MCM6: variants seen among roughly 807,000 people sequenced by gnomAD.
MCM6 encodes the protein minichromosome maintenance complex component 6, also known as DNA replication licensing factor MCM6.
MCM6 carries 46 observed loss-of-function variants against 94.3 expected under a neutral mutation model. The ratio of observed to expected loss-of-function variants is 0.49; its 90% CI spans 0.39 to 0.62. MCM6 has a LOEUF of 0.62. MCM6 is among the 20% of genes least tolerant of loss of function. The pLI, the probability that MCM6 is intolerant of heterozygous loss-of-function variation, is 0.00. For synonymous variants in MCM6, 335 were observed against 351.9 expected (o/e 0.95, Z 0.54); for missense variants, 865 against 1,017.9 (o/e 0.85, Z 2.04).
chr2:135,872,617 T>G, intron 2 of MCM6, 80 bp downstream of exon 2: 2 of 1,415,734 alleles, frequency 1.4e-6, no homozygotes, highest in Non-Finnish European at 2.0e-6. Flanking sequence ...GCTACACAAG[T>G]GAACACTTAC....
At chr2:135,852,438 CAAAG>C (rs4988228) in intron 12 of MCM6, among the ~76,000 whole-genome samples, 1,735 of 152,162 alleles carry the variant, frequency 0.011, 35 homozygotes, top group African/African-American at 0.04. Context: ...ATGTTTCCTT[CAAAG>C]AAAGATTCAA....
chr2:135,869,814 G>C (rs917594127), intron 3 of MCM6, among the ~76,000 whole-genome samples: 5 of 152,008 alleles, frequency 3.3e-5, no homozygotes, highest in South Asian at 2.1e-4. Context: ...CTAAAAATTT[G>C]CTTCACTCCC....
intron 8 of MCM6, among the ~76,000 whole-genome samples, chr2:135,859,760 G>A (rs534906357): frequency 3.9e-5 from 6 of 152,000 alleles, no homozygotes; most frequent in African/African-American, 1.4e-4. Flanking sequence ...GGGCCATCAC[G>A]CCTGGCTAAT....
At chr2:135,842,618 G>A (rs1679595731) in intron 16 of MCM6, among the ~76,000 whole-genome samples, 1 of 152,184 alleles carries the variant, frequency 6.6e-6, no homozygotes, top group Non-Finnish European at 1.5e-5. Context: ...AGAAATACAA[G>A]GCAGGGTGAC....
At chr2:135,869,382 C>T (rs1419714196) in intron 3 of MCM6, among the ~76,000 whole-genome samples, 3 of 134,202 alleles carry the variant, frequency 2.2e-5, no homozygotes, top group African/African-American at 8.5e-5. Flanking sequence ...GCCTGGGTGA[C>T]AGAGCAAGAC....
chr2:135,844,455 G>T, intron 16 of MCM6, 90 bp downstream of exon 16: 1 of 1,213,130 alleles, frequency 8.2e-7, no homozygotes, highest in Non-Finnish European at 1.1e-6. Flanking sequence ...ACAAACAAAG[G>T]TCAAAAAAAA....
chr2:135,854,193 C>T (rs568662413), intron 11 of MCM6, among the ~76,000 whole-genome samples: 1 of 152,114 alleles, frequency 6.6e-6, no homozygotes, highest in South Asian at 2.1e-4. Flanking sequence ...TGCCACTGCA[C>T]TCCAGCCTGG....
intron 16 of MCM6, among the ~76,000 whole-genome samples, chr2:135,842,989 G>C (rs970651625): frequency 2.0e-5 from 3 of 152,182 alleles, no homozygotes; most frequent in African/African-American, 7.2e-5. Context: ...TGCTGAGCAA[G>C]AAGCCAATAC....
At chr2:135,846,838 T>C (rs974027828) in intron 14 of MCM6, among the ~76,000 whole-genome samples, 1 of 152,006 alleles carries the variant, frequency 6.6e-6, no homozygotes, top group Non-Finnish European at 1.5e-5. Flanking sequence ...ATCCTGTCTA[T>C]ACTAAAAATA....
intron 11 of MCM6, among the ~76,000 whole-genome samples, chr2:135,854,808 G>A (rs1044763370): frequency 2.0e-5 from 3 of 152,112 alleles, no homozygotes; most frequent in African/African-American, 7.2e-5. Context: ...AGGAGGCTGA[G>A]GCTGCAGTGA....
At chr2:135,854,243 A>G (rs920628660) in intron 11 of MCM6, among the ~76,000 whole-genome samples, 4 of 151,746 alleles carry the variant, frequency 2.6e-5, no homozygotes, top group Admixed American at 1.3e-4. Flanking sequence ...AATAACTAAA[A>G]TAAAACAGGC....
chr2:135,863,457 G>A (rs1680030807), intron 7 of MCM6, among the ~76,000 whole-genome samples: 1 of 152,142 alleles, frequency 6.6e-6, no homozygotes, highest in Admixed American at 6.5e-5. Flanking sequence ...CCTGTAATCT[G>A]ATCACTCTGG....
At chr2:135,855,558 T>C (rs184136905) in intron 11 of MCM6, among the ~76,000 whole-genome samples, 8 of 152,008 alleles carry the variant, frequency 5.3e-5, no homozygotes, top group Non-Finnish European at 1.2e-4. Flanking sequence ...CTCAGCTACT[T>C]GGGAGGCTGA....
At chr2:135,852,153 G>C (rs1679788742) in intron 12 of MCM6, among the ~76,000 whole-genome samples, 1 of 152,140 alleles carries the variant, frequency 6.6e-6, no homozygotes, top group South Asian at 2.1e-4. Flanking sequence ...GGGACAGTGA[G>C]AGCCAACTGC....
intron 13 of MCM6, among the ~76,000 whole-genome samples, chr2:135,849,592 G>A (rs1379600867): frequency 6.6e-6 from 1 of 152,126 alleles, no homozygotes; most frequent in Admixed American, 6.5e-5. Context: ...AGAACAATGC[G>A]CTGGAACTAG....
chr2:135,846,180 T>C, intron 15 of MCM6, 57 bp downstream of exon 15: 15 of 1,570,480 alleles, frequency 9.6e-6, no homozygotes, highest in Non-Finnish European at 1.3e-5. Flanking sequence ...AAGTGGCCTA[T>C]GTGAACAGAG....
chr2:135,863,179 C>T (rs1266666090), intron 7 of MCM6, among the ~76,000 whole-genome samples: 1 of 152,192 alleles, frequency 6.6e-6, no homozygotes, highest in Non-Finnish European at 1.5e-5. Context: ...TAACACTTTT[C>T]TATCACCTAC....
At position 135,865,302 on chromosome 2, in the gene MCM6, A is replaced by C. The variant is rs796822402; in HGVS notation, c.928-139T>G. 2.8e-5 allele frequency: 15 copies of C among 526,948 alleles called. No individual in the cohort carries two copies. The East Asian group carries it at 4.7e-4, about 16-fold the overall frequency. The allele number at this position is 526,948 out of a possible 1,614,324, so 32.6% of individuals were successfully genotyped here. A position where few individuals can be genotyped will look rare whatever the true frequency, so the allele number is the denominator to read the frequency against. ...TATTGACTGTAAAGGTTTAAAAAAA[A>C]ACAACTCCCCAAACTAGTAAGCCCT... On this transcript the variant is annotated intron_variant, in intron 6 of 16. Transcript: ENST00000264156.
chr2:135,847,640 T>G (rs1158442661), intron 14 of MCM6, among the ~76,000 whole-genome samples: 1 of 152,226 alleles, frequency 6.6e-6, no homozygotes, highest in African/African-American at 2.4e-5. Flanking sequence ...CTCAGCTCAC[T>G]GCAACCTCCG....
Sources: gnomAD v4.1 joint callset for allele counts (sites outside exome capture counted in the v4.1 genomes callset) on GRCh38, gnomAD v4.1.1 for gene constraint, MANE v1.5 for transcripts, NCBI Gene and HGNC (gene_info 2026-07-23, HGNC 2026-07-21) for gene names.